The following ZFYVE26 variants were observed in gnomAD, a reference collection of about 807,000 sequenced individuals.
The protein encoded by ZFYVE26 is zinc finger FYVE domain-containing protein 26.
A neutral mutation model predicts 276.5 loss-of-function variants in ZFYVE26; 181 were observed. The observed-to-expected ratio is 0.65, with a 90% CI of 0.58 to 0.74. The LOEUF is 0.74. Ranked by LOEUF, ZFYVE26 falls within the 30% of genes least tolerant of loss-of-function variation. The probability of loss-of-function intolerance (pLI) is 0.00; values close to 1 mark genes in which losing one functional copy is unlikely to be tolerated. For synonymous variants in ZFYVE26, 1,129 were observed against 1,203.1 expected (o/e 0.94, Z 1.27); for missense variants, 2,821 against 3,097.9 (o/e 0.91, Z 2.12).
intron 13 of ZFYVE26, chr14:67,735,428 A>G: frequency 1.6e-6 from 1 of 632,686 alleles, no homozygotes; most frequent in South Asian, 1.8e-5. Context: ...ACATCTGAGC[A>G]AGTGAAAGGC....
intron 13 of ZFYVE26, among the ~76,000 whole-genome samples, chr14:67,736,981 G>A (rs575957534): frequency 2.0e-5 from 3 of 152,244 alleles, no homozygotes; most frequent in Admixed American, 6.5e-5. Context: ...CAGGGAGGGG[G>A]CATGACCTGG....
In ZFYVE26 at chr14:67,806,656, A is replaced by G. The variant is rs930318136; in HGVS notation, c.906T>C (p.Asp302=). ...ASGKVSPDHL[D]PERAMLALFS... ...ACAGGGCTAGCATTGCCCGCTCAGG[A>G]TCTAGATGATCCGGTGAGACTGAAC... The change falls in exon 6 of 42, where the codon GAT becomes GAC. Residue 302 remains aspartate (D), a synonymous_variant. Coordinates refer to ENST00000347230, the MANE Select transcript of ZFYVE26 (RefSeq NM_015346.4). 13 of 1,614,178 alleles carry G rather than the reference A, an allele frequency of 8.1e-6. No homozygotes were observed. The highest frequency in any genetic ancestry group is 1.1e-5 in the Non-Finnish European group (13 of 1,180,020).
chr14:67,776,078 C>T lies in ZFYVE26; in HGVS notation c.5003G>A (p.Arg1668Gln), dbSNP rs1239889656. Residue 1668 changes from arginine (R) to glutamine (Q), a missense_variant, in exon 26 of 42, where the codon CGG becomes CAG. Transcript: ENST00000347230. ...KILLTLPEQH[R>Q]ASYSHLSSNP... Reference sequence around the variant, plus strand: ...AGAGGACAAGTGGGAATAGCTGGCCCGGTGCTGCTCAGGCAGGGTCAGCAG... The same window carrying T: ...AGAGGACAAGTGGGAATAGCTGGCCTGGTGCTGCTCAGGCAGGGTCAGCAG... 9.9e-6 allele frequency: 16 copies of T among 1,614,000 alleles called. No homozygotes were observed. Among genetic ancestry groups the T allele is most frequent in the South Asian group, 6.6e-5 (6 of 91,072 alleles).
At position 67,781,400 on chromosome 14, in the gene ZFYVE26, G is replaced by T. The variant is rs201034965; in HGVS notation, c.4502C>A (p.Thr1501Lys). The change falls in exon 22 of 42, where the codon ACG becomes AAG. Residue 1501 changes from threonine to lysine, a missense_variant. Coordinates refer to ENST00000347230, the MANE Select transcript of ZFYVE26 (RefSeq NM_015346.4). ...ACACTTTAGTCCTTCTTGGACAGCC[G>T]TGTCTGAAATGCAGTAGGCCAGAAT... is the stretch of plus-strand genomic sequence containing the variant. ...LEILAYCISD[T>K]AVQEGLKCEL... 2.8e-5 allele frequency: 45 copies of T among 1,614,162 alleles called. No homozygotes were observed. The Middle Eastern group carries it at 9.9e-4, about 36-fold the overall frequency.
At chr14:67,784,290 T>C (rs779932155) in intron 20 of ZFYVE26, 44 bp downstream of exon 20, 2 of 1,534,726 alleles carry the variant, frequency 1.3e-6, no homozygotes, top group African/African-American at 1.4e-5. Flanking sequence ...ATTGATGAAA[T>C]CATCCGAAGG....
In ZFYVE26 at chr14:67,788,252, G is replaced by A. The variant is rs532684691; in HGVS notation, c.3019+1083C>T. On this transcript the variant is annotated intron_variant, in intron 16 of 41. Coordinates refer to ENST00000347230, the MANE Select transcript of ZFYVE26 (RefSeq NM_015346.4). The stretch of plus-strand genomic sequence containing the variant: ...AAATATACAAAAATTAGCCGGGCGT[G>A]GTGGCACGTGCCTGTAATCCCAGTT... Among the ~76,000 whole-genome samples the A allele has an allele frequency of 1.0e-3, 152 of 152,292 alleles. 2 individuals carry two copies. The highest frequency in any genetic ancestry group is 3.2e-3 in the African/African-American group (131 of 41,558).
Position 67,761,381 on chromosome 14 carries a change from C to A in ZFYVE26, c.6573G>T (p.Leu2191=), listed in dbSNP as rs762878715. 6.2e-7 allele frequency: 1 copy of A among 1,613,110 alleles called. No homozygotes were observed. The highest frequency in any genetic ancestry group is 1.1e-5 in the South Asian group (1 of 90,834). ...CATGTCCCACCTTGTTGAGAAGGTG[C>A]AGAAGAGCTTCCCGCAGGCAGCTGT... ...VRHSCLREAL[L]HLLNKESPPE... is the part of the protein sequence containing the mutation. The change falls in exon 35 of 42, where the codon CTG becomes CTT. Residue 2191 remains leucine (L), a synonymous_variant. Transcript: ENST00000347230.
rs2140260857 is a variant in ZFYVE26, at chr14:67,815,839, C to T, written c.125G>A (p.Gly42Glu). The change falls in exon 2 of 42, where the codon GGA becomes GAA. Residue 42 changes from glycine (G) to glutamate (E), a missense_variant. Physicochemically the swap from Gly to Glu is moderately conservative, Grantham distance 98. Coordinates refer to ENST00000347230, the MANE Select transcript of ZFYVE26 (RefSeq NM_015346.4). ...AQACVPQLQE[G>E]QGDIPKRVED... Reference sequence around the variant, plus strand: ...TACCCTCTTTGGGATATCCCCTTGTCCCTCCTGTAGCTGAGGTACACATGC... The same window carrying T: ...TACCCTCTTTGGGATATCCCCTTGTTCCTCCTGTAGCTGAGGTACACATGC... 2 of 1,614,102 alleles carry T rather than the reference C, an allele frequency of 1.2e-6. No individual in the cohort carries two copies. Among genetic ancestry groups the T allele is most frequent in the Non-Finnish European group, 1.7e-6 (2 of 1,180,038 alleles).
intron 12 of ZFYVE26, among the ~76,000 whole-genome samples, chr14:67,795,615 A>G (rs1433074641): frequency 6.6e-6 from 1 of 152,212 alleles, no homozygotes; most frequent in Admixed American, 6.5e-5. Flanking sequence ...AGCCCATGGG[A>G]AATCCTCATG....
chr14:67,794,333 TAGAGAC>T, intron 12 of ZFYVE26, 94 bp from the exon 13 acceptor site: 3 of 1,186,866 alleles, frequency 2.5e-6, no homozygotes, highest in Non-Finnish European at 3.8e-6. Flanking sequence ...TCTGTGTAGT[TAGAGAC>T]AGAGGATAAT....
chr14:67,777,857 C>A, intron 24 of ZFYVE26, 122 bp from the exon 25 acceptor site: 1 of 1,310,148 alleles, frequency 7.6e-7, no homozygotes. Context: ...TCTCTATACT[C>A]CTTTTTTTTT....
chr14:67,782,477 T>G (rs1032036670), intron 21 of ZFYVE26, among the ~76,000 whole-genome samples: 1 of 152,206 alleles, frequency 6.6e-6, no homozygotes, highest in Non-Finnish European at 1.5e-5. Context: ...CCTGGGCCTC[T>G]GGGGAAGGGA....
At chr14:67,785,496 A>C (rs866878726) in intron 18 of ZFYVE26, among the ~76,000 whole-genome samples, 7 of 152,174 alleles carry the variant, frequency 4.6e-5, no homozygotes, top group African/African-American at 1.7e-4. Flanking sequence ...AGTGTATAAA[A>C]TTACTCTGGT....
chr14:67,794,043 A>G, intron 13 of ZFYVE26, 128 bp downstream of exon 13: 1 of 1,075,010 alleles, frequency 9.3e-7, no homozygotes, highest in Non-Finnish European at 1.4e-6. Flanking sequence ...TCCCAGCTAA[A>G]ATCTGGCCAT....
Position 67,748,326 on chromosome 14 carries a change from G to C in ZFYVE26, c.*110C>G. The C allele has an allele frequency of 7.8e-7, 1 of 1,276,688 alleles. No homozygotes were observed. The highest frequency in any genetic ancestry group is 1.1e-6 in the Non-Finnish European group (1 of 919,362). 79.1% of individuals were successfully genotyped at this position (1,276,688 alleles called of 1,614,324 possible). A position where few individuals can be genotyped will look rare whatever the true frequency, so the allele number is the denominator to read the frequency against. ...GTCCAATCCAACTCTTTCCAACCTAGGGCAGAGCCAGAGAAGTCCCACTCC... is the reference window on the plus strand; with the variant it reads ...GTCCAATCCAACTCTTTCCAACCTACGGCAGAGCCAGAGAAGTCCCACTCC... On this transcript the variant is annotated 3_prime_UTR_variant, in exon 42 of 42. Coordinates refer to ENST00000347230, the MANE Select transcript of ZFYVE26 (RefSeq NM_015346.4).
intron 16 of ZFYVE26, among the ~76,000 whole-genome samples, chr14:67,788,107 G>A (rs2039703158): frequency 6.6e-6 from 1 of 152,128 alleles, no homozygotes; most frequent in East Asian, 1.9e-4. Flanking sequence ...AAAACCGTGG[G>A]TGGTTGGGTG....
Position 67,748,389 on chromosome 14 carries a change from T to G in ZFYVE26, c.*47A>C. ...AGGTGGAGGGCATCGCCATCACTGCTGTTGCCCAGCTCTCAGGCCACGTGT... is the reference window on the plus strand; with the variant it reads ...AGGTGGAGGGCATCGCCATCACTGCGGTTGCCCAGCTCTCAGGCCACGTGT... On this transcript the variant is annotated 3_prime_UTR_variant, in exon 42 of 42. Transcript: ENST00000347230. 2.5e-6 allele frequency: 4 copies of G among 1,592,476 alleles called. No homozygotes were observed. Among genetic ancestry groups the G allele is most frequent in the Middle Eastern group, 2.3e-4 (1 of 4,416 alleles).
At chr14:67,812,914 T>G (rs1169315759) in intron 3 of ZFYVE26, among the ~76,000 whole-genome samples, 2 of 152,224 alleles carry the variant, frequency 1.3e-5, no homozygotes, top group African/African-American at 4.8e-5. Context: ...TAGCCAACTC[T>G]TAATGATGCT....
Position 67,733,772 on chromosome 14 carries a change from C to T in ZFYVE26, n.2680-3953G>A, listed in dbSNP as rs1009304458. ...GACTGCAAGAGGACCTGGGTGTCTC[C>T]AAGGGCCCGAAATAACAAAACAGCT... On this transcript the variant is annotated intron_variant and non_coding_transcript_variant, in intron 13 of 14. Coordinates refer to the ZFYVE26 transcript ENST00000394455. 1 of 1,613,248 alleles carries T rather than the reference C, an allele frequency of 6.2e-7. No homozygotes were observed. Among genetic ancestry groups the T allele is most frequent in the African/African-American group, 1.3e-5 (1 of 74,874 alleles).
Sources: allele counts gnomAD v4.1 joint callset (sites outside exome capture counted in the v4.1 genomes callset), GRCh38; gene constraint gnomAD v4.1.1; transcripts MANE v1.5; gene names NCBI Gene and HGNC (gene_info 2026-07-23, HGNC 2026-07-21).